Variants in LNX1 observed in about 807,000 individuals in gnomAD.
LNX1 encodes the protein E3 ubiquitin-protein ligase LNX.
A neutral mutation model predicts 68.4 loss-of-function variants in LNX1; 54 were observed. The observed-to-expected ratio is 0.79, with a 90% CI of 0.63 to 0.99. LNX1 has a LOEUF of 0.99. Among genes scored for constraint, LNX1 ranks in the 50% least tolerant of loss-of-function variants. The pLI is 0.00. For missense variants in LNX1, 906 were observed against 926.4 expected, an observed-to-expected ratio of 0.98 and a Z score of 0.29; for synonymous variants, 336 against 350.0, an observed-to-expected ratio of 0.96 and a Z score of 0.45.
chr4:53,517,617 A>G (rs1297336398), intron 2 of LNX1, among the ~76,000 whole-genome samples: 2 of 152,212 alleles, frequency 1.3e-5, no homozygotes, highest in Non-Finnish European at 2.9e-5. Flanking sequence ...ACCTCAACTC[A>G]CCATACCTGC....
At chr4:53,580,137 C>A (rs954250193) in intron 1 of LNX1, among the ~76,000 whole-genome samples, 13 of 152,130 alleles carry the variant, frequency 8.5e-5, no homozygotes, top group African/African-American at 2.9e-4. Context: ...ATGATTCTAC[C>A]TTTGGATAGC....
At chr4:53,592,016 CT>C (rs1732531856), upstream of LNX1, among the ~76,000 whole-genome samples, 1 of 152,200 alleles carries the variant, frequency 6.6e-6, no homozygotes, top group Non-Finnish European at 1.5e-5. Flanking sequence ...TCCAATTCAT[CT>C]TTTAAACAAT....
chr4:53,551,587 C>T (rs1729522143), intron 2 of LNX1, among the ~76,000 whole-genome samples: 1 of 152,158 alleles, frequency 6.6e-6, no homozygotes, highest in African/African-American at 2.4e-5. Flanking sequence ...CCCCAAGTGC[C>T]TGAATGCCAC....
chr4:53,566,314 A>G (rs1231702585), intron 2 of LNX1, among the ~76,000 whole-genome samples: 2 of 151,696 alleles, frequency 1.3e-5, no homozygotes, highest in African/African-American at 2.4e-5. Context: ...CAGAAACCCT[A>G]CAAGCCAGAA....
chr4:53,573,895 A>G lies in LNX1; in HGVS notation c.108T>C (p.Asp36=). The G allele has an allele frequency of 6.2e-7, 1 of 1,613,826 alleles. No individual in the cohort carries two copies. The highest frequency in any genetic ancestry group is 8.5e-7 in the Non-Finnish European group (1 of 1,179,838). Residue 36 remains aspartate, a synonymous_variant, in exon 2 of 11, where the codon GAT becomes GAC. Coordinates refer to ENST00000263925, the MANE Select transcript of LNX1 (RefSeq NM_001126328.3). ...GGCAGATGTGGCAGATGAGGTCATC[A>G]TCCACTTCCTCTGGATAGCTGTAGA... ...NHFYSYPEEV[D]DDLICHICLQ...
chr4:53,515,483 C>T (rs1244956186), intron 2 of LNX1, among the ~76,000 whole-genome samples: 3 of 151,642 alleles, frequency 2.0e-5, no homozygotes, highest in African/African-American at 7.3e-5. Context: ...GTTCCCTTTC[C>T]ATTTCCCTGC....
chr4:53,471,003 A>G (rs1723122211), intron 9 of LNX1, among the ~76,000 whole-genome samples: 1 of 141,622 alleles, frequency 7.1e-6, no homozygotes, highest in African/African-American at 2.6e-5. Context: ...TAAAGTTCAT[A>G]TGGAACCAAA....
intron 1 of LNX1, among the ~76,000 whole-genome samples, chr4:53,638,221 T>G (rs1412921126): frequency 6.6e-6 from 1 of 152,218 alleles, no homozygotes; most frequent in Admixed American, 6.5e-5. Context: ...CTGCTGGGTT[T>G]GCAGTCATGA....
At chr4:53,488,024 T>C (rs1051353045) in intron 6 of LNX1, among the ~76,000 whole-genome samples, 18 of 152,178 alleles carry the variant, frequency 1.2e-4, no homozygotes, top group Admixed American at 8.5e-4. Flanking sequence ...CCTGGGAAAT[T>C]GTGAAGGCAC....
At chr4:53,573,254 T>A (rs541392731) in intron 2 of LNX1, among the ~76,000 whole-genome samples, 4 of 152,144 alleles carry the variant, frequency 2.6e-5, no homozygotes, top group African/African-American at 4.8e-5. Flanking sequence ...GAATGGGGAA[T>A]TCGTGTTTAA....
intron 1 of LNX1, among the ~76,000 whole-genome samples, chr4:53,624,394 C>T (rs140493707): frequency 5.1e-4 from 77 of 152,228 alleles, no homozygotes; most frequent in African/African-American, 1.7e-3. Flanking sequence ...GGGGAAACCC[C>T]TTTCACTTGG....
At chr4:53,575,855 T>C in intron 1 of LNX1, 1 of 1,591,540 alleles carries the variant, frequency 6.3e-7, no homozygotes, top group East Asian at 2.2e-5. Context: ...AGGAGCATGT[T>C]TAGAAAGTTG....
At position 53,460,992 on chromosome 4, in the gene LNX1, A is replaced by G; in HGVS notation, c.2102T>C (p.Ile701Thr). 1 of 1,607,862 alleles carries G rather than the reference A, an allele frequency of 6.2e-7. No individual in the cohort carries two copies. The highest frequency in any genetic ancestry group is 8.5e-7 in the Non-Finnish European group (1 of 1,176,938). The change falls in exon 11 of 11, where the codon ATA becomes ACA. Residue 701 changes from isoleucine (I) to threonine (T), a missense_variant. Transcript: ENST00000263925. Reference sequence around the variant, plus strand: ...CAGCAGTCTTGCCAAGCAAGCATGTATCATTCCTGATGTACTTCTACCATT... The same window carrying G: ...CAGCAGTCTTGCCAAGCAAGCATGTGTCATTCCTGATGTACTTCTACCATT... ...AVNGRSTSGM[I>T]HACLARLLKE...
At chr4:53,581,553 A>G (rs1731838810) in intron 1 of LNX1, among the ~76,000 whole-genome samples, 1 of 152,168 alleles carries the variant, frequency 6.6e-6, no homozygotes, top group Non-Finnish European at 1.5e-5. Flanking sequence ...AAGCCTCACA[A>G]TCATGGCGGA....
chr4:53,585,208 T>C (rs778023723), intron 1 of LNX1, among the ~76,000 whole-genome samples: 25 of 152,216 alleles, frequency 1.6e-4, no homozygotes, highest in Non-Finnish European at 3.2e-4. Context: ...TTTTGTCTTA[T>C]TAGATATCTC....
chr4:53,522,862 CT>C (rs1379758688), intron 2 of LNX1: 1 of 152,134 alleles, frequency 6.6e-6, no homozygotes, highest in Non-Finnish European at 1.5e-5. Flanking sequence ...CCAGAGAAAA[CT>C]GCTGCTAATG....
intron 1 of LNX1, among the ~76,000 whole-genome samples, chr4:53,623,367 G>C (rs1733956070): frequency 6.6e-6 from 1 of 151,876 alleles, no homozygotes; most frequent in Admixed American, 6.6e-5. Context: ...AAGTAGCTGG[G>C]ACCACAGGTG....
chr4:53,500,105 A>T (rs535643322), intron 4 of LNX1: 2 of 152,088 alleles, frequency 1.3e-5, no homozygotes, highest in Non-Finnish European at 2.9e-5. Flanking sequence ...GACATCCCAA[A>T]GTTAGGTGGT....
chr4:53,504,828 T>C (rs1373537470), intron 4 of LNX1, among the ~76,000 whole-genome samples: 2 of 152,162 alleles, frequency 1.3e-5, no homozygotes, highest in East Asian at 3.8e-4. Context: ...GCCAGTGAAG[T>C]AGTCAGAACA....
Sources: gnomAD v4.1 joint callset for allele counts (sites outside exome capture counted in the v4.1 genomes callset) on GRCh38, gnomAD v4.1.1 for gene constraint, MANE v1.5 for transcripts, NCBI Gene and HGNC (gene_info 2026-07-23, HGNC 2026-07-21) for gene names.